ZNF892: variants seen among roughly 807,000 people sequenced by gnomAD.
The protein encoded by ZNF892 is zinc finger protein 570-like.
chr2:95,219,609 C>G, the ZNF892 span, among the ~76,000 whole-genome samples: 1 of 152,144 alleles, frequency 6.6e-6, no homozygotes, highest in Non-Finnish European at 1.5e-5. Flanking sequence ...TTGAGATTTT[C>G]TTGGTTCTTG....
At chr2:95,208,936 A>G in the ZNF892 span, among the ~76,000 whole-genome samples, 2 of 152,286 alleles carry the variant, frequency 1.3e-5, no homozygotes, top group Admixed American at 1.3e-4. Context: ...CTGCCCACTG[A>G]GTGTTTGCTG....
At chr2:95,211,277 A>AT in the ZNF892 span, among the ~76,000 whole-genome samples, 1 of 152,208 alleles carries the variant, frequency 6.6e-6, no homozygotes, top group Non-Finnish European at 1.5e-5. Flanking sequence ...TCATAATTAC[A>AT]TTTTTCTCTC....
the ZNF892 span, among the ~76,000 whole-genome samples, chr2:95,242,868 ACT>A: frequency 6.7e-6 from 1 of 150,248 alleles, no homozygotes. Context: ...TCTCCCTCTC[ACT>A]CTCTTTCCAC....
At chr2:95,222,369 G>C in the ZNF892 span, among the ~76,000 whole-genome samples, 2 of 152,174 alleles carry the variant, frequency 1.3e-5, no homozygotes, top group African/African-American at 4.8e-5. Context: ...AAATGGTTAG[G>C]TCATATGGTG....
chr2:95,210,233 A>G, the ZNF892 span, among the ~76,000 whole-genome samples: 1 of 148,938 alleles, frequency 6.7e-6, no homozygotes, highest in East Asian at 2.0e-4. Context: ...ATATATGTGT[A>G]TATATGTATA....
At chr2:95,252,731 A>T in the ZNF892 span, among the ~76,000 whole-genome samples, 1 of 152,196 alleles carries the variant, frequency 6.6e-6, no homozygotes, top group African/African-American at 2.4e-5. Flanking sequence ...ATTTCTCCAC[A>T]TCCTCTCCAG....
chr2:95,206,452 C>G, the ZNF892 span, among the ~76,000 whole-genome samples: 2 of 152,078 alleles, frequency 1.3e-5, no homozygotes, highest in Non-Finnish European at 2.9e-5. Context: ...ACTTTTATAT[C>G]TAGGTTTAGG....
the ZNF892 span, among the ~76,000 whole-genome samples, chr2:95,241,386 C>G: frequency 1.3e-5 from 2 of 152,010 alleles, no homozygotes; most frequent in African/African-American, 4.8e-5. Flanking sequence ...CCCAGCAAAC[C>G]GCAGCAGCCC....
the ZNF892 span, among the ~76,000 whole-genome samples, chr2:95,261,467 A>G: frequency 2.6e-5 from 4 of 151,836 alleles, no homozygotes; most frequent in African/African-American, 9.7e-5. Flanking sequence ...ACTAATTTTT[A>G]TAGTTTTAGT....
the ZNF892 span, among the ~76,000 whole-genome samples, chr2:95,233,399 C>T: frequency 2.0e-5 from 3 of 151,390 alleles, no homozygotes; most frequent in African/African-American, 4.8e-5. Flanking sequence ...CTCGGCCGGG[C>T]GCGGTGGCTC....
the ZNF892 span, among the ~76,000 whole-genome samples, chr2:95,218,749 C>A: frequency 6.6e-6 from 1 of 152,162 alleles, no homozygotes; most frequent in African/African-American, 2.4e-5. Context: ...AAATCAGGGT[C>A]CAACAGCGTT....
chr2:95,221,773 C>G, the ZNF892 span, among the ~76,000 whole-genome samples: 1 of 152,100 alleles, frequency 6.6e-6, no homozygotes, highest in Admixed American at 6.5e-5. Context: ...AAATAACTGA[C>G]TTTTTGAACT....
the ZNF892 span, among the ~76,000 whole-genome samples, chr2:95,217,294 A>G: frequency 1.3e-5 from 2 of 152,154 alleles, no homozygotes; most frequent in Non-Finnish European, 2.9e-5. Context: ...CACATTGGGG[A>G]TTAGGACTTC....
the ZNF892 span, among the ~76,000 whole-genome samples, chr2:95,238,831 A>T: frequency 6.6e-6 from 1 of 152,234 alleles, no homozygotes; most frequent in South Asian, 2.1e-4. Context: ...AGAGAGAAAG[A>T]GAACTAGAAT....
the ZNF892 span, chr2:95,214,624 C>T: frequency 2.5e-6 from 1 of 400,212 alleles, no homozygotes; most frequent in Admixed American, 4.4e-5. Context: ...CATTGTGATT[C>T]ATTTAAAAAT....
chr2:95,230,375 T>G, the ZNF892 span, among the ~76,000 whole-genome samples: 77 of 152,268 alleles, frequency 5.1e-4, no homozygotes, highest in Non-Finnish European at 9.1e-4. Flanking sequence ...GAAATATAAA[T>G]AAATAAAATA....
the ZNF892 span, chr2:95,207,809 A>G: frequency 5.0e-6 from 2 of 398,586 alleles, no homozygotes; most frequent in Non-Finnish European, 8.8e-6. Flanking sequence ...CGGAGGAAGG[A>G]GTCTCCATGG....
chr2:95,218,723 G>A, the ZNF892 span, among the ~76,000 whole-genome samples: 1 of 152,236 alleles, frequency 6.6e-6, no homozygotes, highest in Non-Finnish European at 1.5e-5. Context: ...TCACAGTCCT[G>A]GAAGCTGTAA....
At chr2:95,209,418 A>G in the ZNF892 span, among the ~76,000 whole-genome samples, 1 of 152,146 alleles carries the variant, frequency 6.6e-6, no homozygotes, top group African/African-American at 2.4e-5. Context: ...CCAGAGGCAA[A>G]TGAAGGCCTC....
Sources: gnomAD v4.1 joint callset for allele counts (sites outside exome capture counted in the v4.1 genomes callset) on GRCh38, gnomAD v4.1.1 for gene constraint, MANE v1.5 for transcripts, NCBI Gene and HGNC (gene_info 2026-07-23, HGNC 2026-07-21) for gene names.